Variants in LCT observed in about 807,000 individuals in gnomAD.
LCT encodes the protein lactase.
LCT carries 90 observed loss-of-function variants against 173.0 expected under a neutral mutation model. That is an observed-to-expected ratio of 0.52 (90% CI 0.44 to 0.62). The LOEUF is 0.62. Among genes scored for constraint, LCT ranks in the 20% least tolerant of loss-of-function variants. LCT has a pLI of 0.00. For synonymous variants in LCT, 853 were observed against 957.6 expected (o/e 0.89, Z 2.02); for missense variants, 1,864 against 2,431.4 (o/e 0.77, Z 4.91).
intron 2 of LCT, among the ~76,000 whole-genome samples, chr2:135,829,904 C>T (rs1319632618): frequency 6.6e-6 from 1 of 151,290 alleles, no homozygotes; most frequent in Non-Finnish European, 1.5e-5. Context: ...AATGCATCAC[C>T]TATGTGCTCA....
intron 5 of LCT, among the ~76,000 whole-genome samples, chr2:135,818,868 A>C (rs1033358919): frequency 1.3e-5 from 2 of 152,190 alleles, no homozygotes; most frequent in Non-Finnish European, 2.9e-5. Context: ...AAACTTCCTG[A>C]TTTCAGGGAG....
In LCT at chr2:135,787,892, A is replaced by T. The variant is rs1473806619; in HGVS notation, c.*432T>A. 1 of 191,396 alleles carries T rather than the reference A, an allele frequency of 5.2e-6. No homozygotes were observed. Among genetic ancestry groups the T allele is most frequent in the Non-Finnish European group, 1.1e-5 (1 of 90,374 alleles). 11.9% of individuals were successfully genotyped at this position (191,396 alleles called of 1,614,324 possible). ...ATTTTCTGGAAAACACAAGATGTGA[A>T]GCTAGGGAGAGCTTGCAGAAGGGCA... On this transcript the variant is annotated 3_prime_UTR_variant, in exon 17 of 17. Transcript: ENST00000264162.
intron 9 of LCT, 68 bp downstream of exon 9, chr2:135,807,060 A>C: frequency 6.4e-7 from 1 of 1,564,574 alleles, no homozygotes; most frequent in Non-Finnish European, 8.8e-7. Context: ...CCTTCCCAGC[A>C]CTGAGCCCAG....
At position 135,807,227 on chromosome 2, in the gene LCT, G is replaced by C. The variant is rs774823132; in HGVS notation, c.4074C>G (p.Val1358=). 4 of 1,614,190 alleles carry C rather than the reference G, an allele frequency of 2.5e-6. No homozygotes were observed. The Admixed American group carries it at 6.7e-5, about 27-fold the overall frequency. Residue 1358 remains valine (V), a synonymous_variant, in exon 9 of 17, where the codon GTC becomes GTG. Coordinates refer to ENST00000264162, the MANE Select transcript of LCT (RefSeq NM_002299.4). ...ARASARYYTE[V]ITNNGMPLAR... is the part of the protein sequence containing the mutation. ...CCAGTGGCATGCCGTTGTTGGTAAT[G>C]ACCTCTGTGTAGTACCTGGCGGAGG...
At chr2:135,791,331 C>T (rs924961345) in intron 14 of LCT, among the ~76,000 whole-genome samples, 7 of 152,204 alleles carry the variant, frequency 4.6e-5, no homozygotes, top group African/African-American at 9.6e-5. Flanking sequence ...GCCACAGGCA[C>T]GAATATTTGT....
At chr2:135,793,258 C>A (rs1054308985) in intron 14 of LCT, among the ~76,000 whole-genome samples, 1 of 152,210 alleles carries the variant, frequency 6.6e-6, no homozygotes, top group African/African-American at 2.4e-5. Flanking sequence ...GTGCTGGTAT[C>A]CATGGCTGGG....
chr2:135,826,528 G>A (rs890540142), intron 3 of LCT, among the ~76,000 whole-genome samples: 5 of 151,870 alleles, frequency 3.3e-5, no homozygotes, highest in East Asian at 1.9e-4. Flanking sequence ...ATCATGCCAC[G>A]GGGCACTCCA....
In LCT at chr2:135,789,648, T is replaced by C. The variant is rs754522191; in HGVS notation, c.5486A>G (p.Lys1829Arg). 11 of 1,614,070 alleles carry C rather than the reference T, an allele frequency of 6.8e-6. No individual in the cohort carries two copies. In the Admixed American group the frequency reaches 1.8e-4, roughly 27 times the overall value. The change falls in exon 16 of 17, where the codon AAG becomes AGG. Residue 1829 changes from lysine (K) to arginine (R), a missense_variant. Around this residue, in one of 4 missense-constraint regions of LCT, gnomAD observed 514 missense variants for 750.1 expected, o/e 0.69. Coordinates refer to ENST00000264162, the MANE Select transcript of LCT (RefSeq NM_002299.4). ...SLPRIPKASA[K>R]FYASVVRCNG... ...GCATCGGACCACAGAGGCGTAGAAC[T>C]TCGCTGATGCTTTGGGGATCCTTGG...
intron 3 of LCT, among the ~76,000 whole-genome samples, chr2:135,828,629 G>C (rs1413858964): frequency 6.6e-6 from 1 of 152,202 alleles, no homozygotes; most frequent in Non-Finnish European, 1.5e-5. Context: ...GATAGACCTT[G>C]TCACAGGAGA....
At chr2:135,835,039 C>T (rs1352685703) in intron 1 of LCT, among the ~76,000 whole-genome samples, 1 of 151,890 alleles carries the variant, frequency 6.6e-6, no homozygotes, top group Non-Finnish European at 1.5e-5. Context: ...ATCTTTTCAC[C>T]TAGTAGTTTC....
intron 13 of LCT, among the ~76,000 whole-genome samples, chr2:135,797,567 A>G (rs2077592536): frequency 6.6e-6 from 1 of 152,222 alleles, no homozygotes; most frequent in Non-Finnish European, 1.5e-5. Context: ...TAAAGATACC[A>G]ACAGAAGATG....
At chr2:135,820,863 C>A (rs963452438) in intron 5 of LCT, among the ~76,000 whole-genome samples, 1 of 151,918 alleles carries the variant, frequency 6.6e-6, no homozygotes, top group Non-Finnish European at 1.5e-5. Flanking sequence ...ATTATGGGCA[C>A]AACCTCAAAA....
rs1243264381 is a variant in LCT at position 135,798,084 on chromosome 2, C to T, written c.4921G>A (p.Val1641Met). 1.2e-6 allele frequency: 2 copies of T among 1,613,444 alleles called. No homozygotes were observed. The highest frequency in any genetic ancestry group is 1.7e-6 in the Non-Finnish European group (2 of 1,179,404). Residue 1641 changes from valine (V) to methionine (M), a missense_variant, in exon 13 of 17, where the codon GTG (valine) becomes ATG (methionine). Around this residue, in one of 4 missense-constraint regions of LCT, gnomAD observed 514 missense variants for 750.1 expected, o/e 0.69. Coordinates refer to ENST00000264162, the MANE Select transcript of LCT (RefSeq NM_002299.4). ...PIFKNGDYNE[V>M]MKTRIRDRSL... is the part of the protein sequence containing the mutation. The stretch of plus-strand genomic sequence containing the variant: ...CTGTCACGGATCCGCGTCTTCATCA[C>T]CTCATTGTAATCTCCATTCTTGAAA...
At chr2:135,827,727 G>A (rs1046136019) in intron 3 of LCT, among the ~76,000 whole-genome samples, 2 of 152,224 alleles carry the variant, frequency 1.3e-5, no homozygotes, top group Non-Finnish European at 2.9e-5. Context: ...CTGACAGGAG[G>A]TGGAACTCAG....
chr2:135,836,498 G>A (rs1354809482), intron 1 of LCT, 32 bp downstream of exon 1: 13 of 1,607,838 alleles, frequency 8.1e-6, no homozygotes, highest in Admixed American at 1.7e-5. Flanking sequence ...GAAGGTTGCC[G>A]AGGGGTCACC....
intron 1 of LCT, among the ~76,000 whole-genome samples, chr2:135,834,737 G>A (rs200718455): frequency 8.8e-6 from 1 of 113,296 alleles, no homozygotes; most frequent in East Asian, 2.9e-4. Flanking sequence ...GCAGTGAGCC[G>A]AGATCACACC....
At chr2:135,793,365 G>T (rs887006314) in intron 14 of LCT, among the ~76,000 whole-genome samples, 1 of 152,150 alleles carries the variant, frequency 6.6e-6, no homozygotes, top group East Asian at 1.9e-4. Context: ...GACCCAGAAG[G>T]GCAATGGCAA....
intron 2 of LCT, among the ~76,000 whole-genome samples, chr2:135,831,200 G>C (rs190332292): frequency 2.0e-5 from 3 of 152,328 alleles, no homozygotes; most frequent in Admixed American, 1.3e-4. Context: ...GTGAGTGAGG[G>C]AGTGTTACTG....
intron 1 of LCT, 79 bp from the exon 2 acceptor site, chr2:135,833,269 T>C: frequency 1.0e-6 from 1 of 962,506 alleles, no homozygotes. Flanking sequence ...GGGGATTCAT[T>C]TCCTATGGAC....
Sources: gnomAD v4.1 joint callset for allele counts (sites outside exome capture counted in the v4.1 genomes callset) on GRCh38, gnomAD v4.1.1 for gene constraint, gnomAD v4.1.1 regional missense constraint, MANE v1.5 for transcripts, NCBI Gene and HGNC (gene_info 2026-07-23, HGNC 2026-07-21) for gene names.